Variants in ZBTB7C observed in about 807,000 individuals in gnomAD.
ZBTB7C encodes the protein zinc finger and BTB domain containing 7C, also known as zinc finger and BTB domain-containing protein 7C.
ZBTB7C carries 8 observed loss-of-function variants against 25.7 expected under a neutral mutation model. That is an observed-to-expected ratio of 0.31 (90% CI 0.18 to 0.56). The LOEUF is 0.56. Ranked by LOEUF, ZBTB7C falls within the 20% of genes least tolerant of loss-of-function variation. The pLI, the probability that ZBTB7C is intolerant of heterozygous loss-of-function variation, is 0.91. For synonymous variants in ZBTB7C, 394 were observed against 369.0 expected (o/e 1.07, Z -0.78); for missense variants, 824 against 855.2 (o/e 0.96, Z 0.46).
chr18:48,112,644 C>T (rs904766858), intron 3 of ZBTB7C, among the ~76,000 whole-genome samples: 4 of 152,086 alleles, frequency 2.6e-5, no homozygotes, highest in Non-Finnish European at 2.9e-5. Context: ...CCACCATGCC[C>T]GGCCTACTTT....
chr18:48,060,224 C>A (rs2144317217), intron 3 of ZBTB7C, among the ~76,000 whole-genome samples: 1 of 152,204 alleles, frequency 6.6e-6, no homozygotes, highest in East Asian at 1.9e-4. Flanking sequence ...GAGTTTGTGC[C>A]AGCAGGGGAA....
At chr18:48,400,318 T>C (rs2048127688) in intron 1 of ZBTB7C, among the ~76,000 whole-genome samples, 1 of 152,178 alleles carries the variant, frequency 6.6e-6, no homozygotes, top group Non-Finnish European at 1.5e-5. Flanking sequence ...AGGGACTAAA[T>C]TTGCTTTCTG....
intron 3 of ZBTB7C, among the ~76,000 whole-genome samples, chr18:48,073,015 C>A (rs2037611499): frequency 6.6e-6 from 1 of 152,294 alleles, no homozygotes; most frequent in South Asian, 2.1e-4. Context: ...GAACGGGATC[C>A]TATTTAACAG....
intron 3 of ZBTB7C, among the ~76,000 whole-genome samples, chr18:48,043,240 C>G (rs1598766026): frequency 6.6e-6 from 1 of 152,194 alleles, no homozygotes; most frequent in African/African-American, 2.4e-5. Context: ...TCTTGAGCAT[C>G]TACCCCAGAG....
At chr18:48,290,588 G>A (rs900593659) in intron 2 of ZBTB7C, among the ~76,000 whole-genome samples, 7 of 152,220 alleles carry the variant, frequency 4.6e-5, no homozygotes, top group African/African-American at 1.7e-4. Context: ...GAGTGTGGGG[G>A]TTGGGGACAG....
chr18:48,340,484 A>C (rs2046573462), intron 1 of ZBTB7C, among the ~76,000 whole-genome samples: 1 of 152,174 alleles, frequency 6.6e-6, no homozygotes, highest in Non-Finnish European at 1.5e-5. Flanking sequence ...ATCCTTGTTC[A>C]GCCTTGGGAC....
At chr18:48,077,062 CAAAAA>C (rs10539603) in intron 3 of ZBTB7C, 497 of 401,252 alleles carry the variant, frequency 1.2e-3, no homozygotes, top group South Asian at 1.6e-3. Flanking sequence ...TTGTTATATG[CAAAAA>C]AAAAAAAAAA....
At chr18:48,313,305 G>A (rs2045866493) in intron 2 of ZBTB7C, among the ~76,000 whole-genome samples, 1 of 152,200 alleles carries the variant, frequency 6.6e-6, no homozygotes, top group African/African-American at 2.4e-5. Context: ...AAATCCAGAG[G>A]CCTCAGGCCA....
chr18:48,313,030 A>G (rs56155227), intron 2 of ZBTB7C, among the ~76,000 whole-genome samples: 198 of 152,288 alleles, frequency 1.3e-3, no homozygotes, highest in African/African-American at 4.6e-3. Flanking sequence ...CTGATTATGG[A>G]CCCAAGAAGC....
At chr18:48,357,590 C>T (rs904100502) in intron 1 of ZBTB7C, among the ~76,000 whole-genome samples, 2 of 152,228 alleles carry the variant, frequency 1.3e-5, no homozygotes, top group African/African-American at 4.8e-5. Flanking sequence ...CCCAGCAGCA[C>T]AGTCGGTGAC....
chr18:48,208,985 G>T (rs1364902740), intron 2 of ZBTB7C, among the ~76,000 whole-genome samples: 1 of 152,146 alleles, frequency 6.6e-6, no homozygotes. Context: ...TAAAAATAAA[G>T]TCGAAAAAGT....
At chr18:48,387,474 T>G (rs181647655) in intron 1 of ZBTB7C, among the ~76,000 whole-genome samples, 1 of 152,234 alleles carries the variant, frequency 6.6e-6, no homozygotes, top group Non-Finnish European at 1.5e-5. Context: ...AATCCACAGA[T>G]AGCTGCCAGG....
At chr18:48,363,117 T>C (rs571786486) in intron 1 of ZBTB7C, among the ~76,000 whole-genome samples, 10 of 152,306 alleles carry the variant, frequency 6.6e-5, no homozygotes, top group Admixed American at 3.9e-4. Context: ...AATTAATCCA[T>C]GTAAAGTGCT....
chr18:48,112,733 G>A (rs1018671578), intron 3 of ZBTB7C, among the ~76,000 whole-genome samples: 1 of 152,166 alleles, frequency 6.6e-6, no homozygotes, highest in Non-Finnish European at 1.5e-5. Flanking sequence ...CAAAGTATAT[G>A]TGCGGTAAAT....
At chr18:48,074,371 C>T (rs1054071045) in intron 3 of ZBTB7C, among the ~76,000 whole-genome samples, 1 of 152,174 alleles carries the variant, frequency 6.6e-6, no homozygotes, top group Non-Finnish European at 1.5e-5. Context: ...CCTGAGATAT[C>T]GCTTTTTCCT....
intron 2 of ZBTB7C, among the ~76,000 whole-genome samples, chr18:48,214,457 G>C (rs1310767178): frequency 6.6e-6 from 1 of 152,154 alleles, no homozygotes; most frequent in African/African-American, 2.4e-5. Flanking sequence ...CATGTTGGCA[G>C]GACTGGTTTC....
At chr18:48,288,156 G>A (rs2045112845) in intron 2 of ZBTB7C, among the ~76,000 whole-genome samples, 1 of 152,228 alleles carries the variant, frequency 6.6e-6, no homozygotes. Context: ...CTAAAAGAAT[G>A]TATAGCAATG....
intron 2 of ZBTB7C, among the ~76,000 whole-genome samples, chr18:48,256,410 T>C (rs2044021666): frequency 6.6e-6 from 1 of 150,902 alleles, no homozygotes; most frequent in South Asian, 2.1e-4. Flanking sequence ...CCTGGAATTT[T>C]CTACATGGTG....
intron 2 of ZBTB7C, among the ~76,000 whole-genome samples, chr18:48,315,148 G>C (rs781721004): frequency 6.6e-6 from 1 of 152,144 alleles, no homozygotes; most frequent in Non-Finnish European, 1.5e-5. Context: ...TGAGACACTC[G>C]GAACACAGCA....
Sources: allele counts gnomAD v4.1 joint callset (sites outside exome capture counted in the v4.1 genomes callset), GRCh38; gene constraint gnomAD v4.1.1; transcripts MANE v1.5; gene names NCBI Gene and HGNC (gene_info 2026-07-23, HGNC 2026-07-21).